ZNF385B: variants seen among roughly 807,000 people sequenced by gnomAD.
ZNF385B encodes the protein zinc finger protein 533.
ZNF385B carries 23 observed loss-of-function variants against 39.2 expected under a neutral mutation model. The observed-to-expected ratio is 0.59, with a 90% CI of 0.42 to 0.83. ZNF385B has a LOEUF of 0.83. Ranked by LOEUF, ZNF385B falls within the 40% of genes least tolerant of loss-of-function variation. The pLI, the probability that ZNF385B is intolerant of heterozygous loss-of-function variation, is 0.00. For missense variants in ZNF385B, 552 were observed against 598.9 expected (o/e 0.92, Z 0.82); for synonymous variants, 205 against 222.6 (o/e 0.92, Z 0.70).
intron 3 of ZNF385B, among the ~76,000 whole-genome samples, chr2:179,604,843 T>G (rs1688675481): frequency 6.6e-6 from 1 of 152,134 alleles, no homozygotes; most frequent in Admixed American, 6.5e-5. Flanking sequence ...GAAATGTCAC[T>G]GTGCCTACAA....
At chr2:179,586,431 G>A (rs1229929211) in intron 3 of ZNF385B, among the ~76,000 whole-genome samples, 1 of 152,172 alleles carries the variant, frequency 6.6e-6, no homozygotes, top group Non-Finnish European at 1.5e-5. Flanking sequence ...CTGTTTAAAG[G>A]AATTTAGTCT....
In ZNF385B at chr2:179,715,014, C is replaced by A. The variant is rs76673979; in HGVS notation, c.298+54489G>T. 5.5e-4 allele frequency among the ~76,000 whole-genome samples: 81 copies of A among 148,464 alleles called. 1 individual carries two copies. In the East Asian group the frequency reaches 6.9e-3, roughly 13 times the overall value. On this transcript the variant is annotated intron_variant, in intron 3 of 9. Transcript: ENST00000410066. ...ATGCTGGCAGTTTTGTCTCCCATAT[C>A]TGTCAAAAATTTTCCTGTTTATACC...
Position 179,443,561 on chromosome 2 carries a change from A to C in ZNF385B, c.1243-93T>G, listed in dbSNP as rs2049172688. Reference sequence around the variant, plus strand: ...TTTTCATAAGTAAAACACCAACATTAAGAAGTCTTAAATTTTGAAAATCTT... The same window carrying C: ...TTTTCATAAGTAAAACACCAACATTCAGAAGTCTTAAATTTTGAAAATCTT... On this transcript the variant is annotated intron_variant, in intron 9 of 9. Coordinates refer to ENST00000410066, the MANE Select transcript of ZNF385B (RefSeq NM_152520.6). 8.3e-6 allele frequency: 8 copies of C among 962,828 alleles called. No homozygotes were observed. The South Asian group carries it at 1.2e-4, about 14-fold the overall frequency. The allele number at this position is 962,828 out of a possible 1,614,324, so 59.6% of individuals were successfully genotyped here.
intron 3 of ZNF385B, among the ~76,000 whole-genome samples, chr2:179,612,147 GT>G (rs1558979981): frequency 6.6e-6 from 1 of 152,060 alleles, no homozygotes. Flanking sequence ...ATTTCATTGA[GT>G]TTCTTCAAAA....
intron 3 of ZNF385B, among the ~76,000 whole-genome samples, chr2:179,682,004 T>C (rs754253762): frequency 1.3e-5 from 2 of 152,210 alleles, no homozygotes; most frequent in Admixed American, 6.5e-5. Context: ...GGCAAACCAA[T>C]AATACTCAAA....
At chr2:179,516,542 A>AT (rs1214866624) in intron 5 of ZNF385B, among the ~76,000 whole-genome samples, 1 of 151,974 alleles carries the variant, frequency 6.6e-6, no homozygotes, top group Non-Finnish European at 1.5e-5. Flanking sequence ...CATGTTGAGC[A>AT]TTTTTTTATG....
intron 3 of ZNF385B, among the ~76,000 whole-genome samples, chr2:179,710,280 G>T (rs1024841014): frequency 6.6e-6 from 1 of 152,006 alleles, no homozygotes; most frequent in Non-Finnish European, 1.5e-5. Flanking sequence ...GTATACCTTT[G>T]CCCCAACCTG....
chr2:179,728,680 T>C (rs1701177658), intron 3 of ZNF385B, among the ~76,000 whole-genome samples: 1 of 152,186 alleles, frequency 6.6e-6, no homozygotes, highest in African/African-American at 2.4e-5. Context: ...CCCAAAGGAC[T>C]GATGTCATCA....
intron 5 of ZNF385B, among the ~76,000 whole-genome samples, chr2:179,493,487 A>G (rs2055503754): frequency 2.0e-5 from 2 of 99,944 alleles, no homozygotes; most frequent in African/African-American, 6.6e-5. Flanking sequence ...ACACATATGT[A>G]TAAACGTGTG....
chr2:179,521,360 T>G (rs1318987026), intron 4 of ZNF385B, among the ~76,000 whole-genome samples: 1 of 146,400 alleles, frequency 6.8e-6, no homozygotes, highest in African/African-American at 2.5e-5. Flanking sequence ...CCAGTTTTTT[T>G]TTTTTTTTTT....
intron 3 of ZNF385B, among the ~76,000 whole-genome samples, chr2:179,559,346 G>T (rs900675681): frequency 2.8e-5 from 3 of 108,314 alleles, no homozygotes; most frequent in Non-Finnish European, 6.2e-5. Context: ...GTATTTAACA[G>T]ATTGGGCCAA....
intron 6 of ZNF385B, among the ~76,000 whole-genome samples, chr2:179,473,606 G>A (rs554867760): frequency 4.6e-5 from 7 of 152,218 alleles, no homozygotes; most frequent in African/African-American, 1.4e-4. Context: ...CCTGTGCCAT[G>A]GTGGTTTGCT....
intron 3 of ZNF385B, among the ~76,000 whole-genome samples, chr2:179,687,471 T>G (rs993294266): frequency 2.6e-5 from 4 of 152,194 alleles, no homozygotes; most frequent in African/African-American, 9.7e-5. Flanking sequence ...TGGCTTGCAT[T>G]ACTTCAAGCT....
At chr2:179,617,718 A>G (rs1291732375) in intron 3 of ZNF385B, among the ~76,000 whole-genome samples, 1 of 152,130 alleles carries the variant, frequency 6.6e-6, no homozygotes, top group Non-Finnish European at 1.5e-5. Context: ...CTATTCTTTA[A>G]AAAATGTAGA....
At chr2:179,686,270 C>T (rs1037245396) in intron 3 of ZNF385B, among the ~76,000 whole-genome samples, 5 of 152,180 alleles carry the variant, frequency 3.3e-5, no homozygotes, top group Non-Finnish European at 7.3e-5. Context: ...TTATAAGCAG[C>T]CCCAGTGTCA....
intron 3 of ZNF385B, among the ~76,000 whole-genome samples, chr2:179,727,108 A>G (rs1180997034): frequency 6.6e-6 from 1 of 152,078 alleles, no homozygotes; most frequent in African/African-American, 2.4e-5. Context: ...GATGAGATGA[A>G]CAGATACTCA....
intron 5 of ZNF385B, among the ~76,000 whole-genome samples, chr2:179,495,516 C>G (rs1316072076): frequency 2.6e-5 from 4 of 152,180 alleles, no homozygotes; most frequent in Admixed American, 2.6e-4. Flanking sequence ...TAAACATAGG[C>G]AGCAGCCATG....
chr2:179,718,779 G>T (rs1283070213), intron 3 of ZNF385B, among the ~76,000 whole-genome samples: 3 of 150,420 alleles, frequency 2.0e-5, no homozygotes, highest in Non-Finnish European at 4.4e-5. Flanking sequence ...TAGAGAAGAG[G>T]CTAGGAGTTC....
chr2:179,773,130 G>A (rs762312689), intron 1 of ZNF385B, among the ~76,000 whole-genome samples: 62 of 152,044 alleles, frequency 4.1e-4, no homozygotes, highest in Non-Finnish European at 8.2e-4. Flanking sequence ...CTTTCCCTAG[G>A]ATTTTCCCTG....
Sources: gnomAD v4.1 joint callset for allele counts (sites outside exome capture counted in the v4.1 genomes callset) on GRCh38, gnomAD v4.1.1 for gene constraint, MANE v1.5 for transcripts, NCBI Gene and HGNC (gene_info 2026-07-23, HGNC 2026-07-21) for gene names.